The following DTD1 variants were observed in gnomAD, a reference collection of about 807,000 sequenced individuals.
DTD1 encodes the protein D-aminoacyl-tRNA deacylase 1.
In DTD1, 13 loss-of-function variants were observed where a neutral mutation model predicts 25.6. The observed-to-expected ratio is 0.51, with a 90% CI of 0.33 to 0.81. DTD1 has a LOEUF of 0.81. Among genes scored for constraint, DTD1 ranks in the 30% least tolerant of loss-of-function variants. The pLI, the probability that DTD1 is intolerant of heterozygous loss-of-function variation, is 0.02. For missense variants in DTD1, 193 were observed against 266.4 expected (o/e 0.72, Z 1.92); for synonymous variants, 110 against 103.6 (o/e 1.06, Z -0.37).
rs934347361 is a variant in DTD1, at chr20:18,690,425, A to T, written c.478-53675A>T. Among the ~76,000 whole-genome samples the T allele has an allele frequency of 2.6e-5, 4 of 152,214 alleles. No individual in the cohort carries two copies. The East Asian group carries it at 7.7e-4, about 29-fold the overall frequency. On this transcript the variant is annotated intron_variant, in intron 4 of 5. Transcript: ENST00000377452. ...CTAGCCAAATTCTCTAGCAAAGCTT[A>T]TGCCAAGAGGGTATTTCCTAGGTTT...
At chr20:18,759,665 A>G (rs1280910323) in intron 5 of DTD1, among the ~76,000 whole-genome samples, 1 of 152,110 alleles carries the variant, frequency 6.6e-6, no homozygotes, top group Non-Finnish European at 1.5e-5. Flanking sequence ...GCTGCCCTTA[A>G]CATTTTTTCC....
At chr20:18,684,449 G>A (rs2061009029) in intron 4 of DTD1, among the ~76,000 whole-genome samples, 1 of 152,068 alleles carries the variant, frequency 6.6e-6, no homozygotes, top group African/African-American at 2.4e-5. Context: ...ATCATACCCA[G>A]CTAATTTTTA....
intron 4 of DTD1, among the ~76,000 whole-genome samples, chr20:18,682,576 C>T (rs2061002060): frequency 6.6e-6 from 1 of 152,160 alleles, no homozygotes; most frequent in Admixed American, 6.5e-5. Context: ...TGGAACCTTC[C>T]TCCCTTAGCT....
In DTD1 at chr20:18,606,947, C is replaced by T. The variant is rs2060661988; in HGVS notation, c.370+10706C>T. 1.3e-5 allele frequency among the ~76,000 whole-genome samples: 2 copies of T among 151,842 alleles called. 1 individual carries two copies. Among genetic ancestry groups the T allele is most frequent in the Non-Finnish European group, 2.9e-5 (2 of 67,966 alleles). On this transcript the variant is annotated intron_variant, in intron 3 of 5. Coordinates refer to ENST00000377452, the MANE Select transcript of DTD1 (RefSeq NM_080820.6). ...TATAATAAAAAAAAAAAAGCCATTC[C>T]TAGTTTACTGAGAGTTTCTATCATG...
At chr20:18,629,296 CTTTT>C (rs35174616) in intron 4 of DTD1, among the ~76,000 whole-genome samples, 2 of 69,242 alleles carry the variant, frequency 2.9e-5, no homozygotes, top group East Asian at 4.2e-4. Context: ...TGTGCTCGGC[CTTTT>C]TTTTTTTTTT....
intron 4 of DTD1, among the ~76,000 whole-genome samples, chr20:18,672,469 A>G (rs2060954389): frequency 1.3e-5 from 2 of 151,876 alleles, no homozygotes; most frequent in African/African-American, 4.8e-5. Flanking sequence ...GAACTTAGGT[A>G]TTCACCAAAA....
chr20:18,607,257 G>T (rs1303025900), intron 3 of DTD1, among the ~76,000 whole-genome samples: 1 of 152,000 alleles, frequency 6.6e-6, no homozygotes, highest in Non-Finnish European at 1.5e-5. Flanking sequence ...TGCCTTCCGG[G>T]TTCAAACGAT....
chr20:18,637,939 A>G (rs906128718), intron 4 of DTD1, among the ~76,000 whole-genome samples: 1 of 152,148 alleles, frequency 6.6e-6, no homozygotes, highest in Admixed American at 6.5e-5. Flanking sequence ...ACCTGCTGAC[A>G]TCTTCCCCAT....
At chr20:18,597,967 T>C (rs1395396699) in intron 3 of DTD1, among the ~76,000 whole-genome samples, 1 of 144,670 alleles carries the variant, frequency 6.9e-6, no homozygotes, top group African/African-American at 2.5e-5. Context: ...AGCTTGACAG[T>C]TCTTTTCTCC....
intron 4 of DTD1, among the ~76,000 whole-genome samples, chr20:18,684,183 G>A (rs989784257): frequency 2.0e-5 from 3 of 152,174 alleles, no homozygotes; most frequent in Non-Finnish European, 2.9e-5. Context: ...ACCAAAGTAT[G>A]TGGATCTCCC....
At chr20:18,713,197 T>G (rs6136485) in intron 4 of DTD1, among the ~76,000 whole-genome samples, 3 of 152,162 alleles carry the variant, frequency 2.0e-5, no homozygotes, top group Non-Finnish European at 4.4e-5. Context: ...CCTCTGCCAA[T>G]TGTTCTTTCT....
chr20:18,598,202 C>T (rs538268675), intron 3 of DTD1, among the ~76,000 whole-genome samples: 7 of 151,852 alleles, frequency 4.6e-5, no homozygotes, highest in Non-Finnish European at 2.9e-5. Flanking sequence ...TTATTCAACT[C>T]CCACTTATAA....
At chr20:18,676,005 CT>C (rs2060972307) in intron 4 of DTD1, among the ~76,000 whole-genome samples, 1 of 152,096 alleles carries the variant, frequency 6.6e-6, no homozygotes, top group African/African-American at 2.4e-5. Flanking sequence ...TGATGGCAGC[CT>C]ACTATTCTGC....
intron 5 of DTD1, among the ~76,000 whole-genome samples, chr20:18,755,997 T>A (rs1473397151): frequency 6.6e-6 from 1 of 152,152 alleles, no homozygotes; most frequent in South Asian, 2.1e-4. Flanking sequence ...ATTGTGGTTT[T>A]GATTTGCATT....
intron 1 of DTD1, chr20:18,592,564 C>T (rs2060593755): frequency 6.6e-6 from 1 of 151,750 alleles, no homozygotes; most frequent in Non-Finnish European, 1.5e-5. Flanking sequence ...AGTGGAATTG[C>T]ACCTGTGAAT....
intron 4 of DTD1, among the ~76,000 whole-genome samples, chr20:18,722,606 C>T (rs946870948): frequency 6.6e-6 from 1 of 152,184 alleles, no homozygotes; most frequent in African/African-American, 2.4e-5. Context: ...CCACTTGCAT[C>T]AATTTTATGA....
rs534934428 is a variant in DTD1 at position 18,664,384 on chromosome 20, C to A, written c.477+36151C>A. On this transcript the variant is annotated intron_variant, in intron 4 of 5. Coordinates refer to ENST00000377452, the MANE Select transcript of DTD1 (RefSeq NM_080820.6). ...GTGTTCTTCCCACTCATAGAGTCTTCTAGGATGTTCTAATGATGAGGGGAC... is the reference window on the plus strand; with the variant it reads ...GTGTTCTTCCCACTCATAGAGTCTTATAGGATGTTCTAATGATGAGGGGAC... Among the ~76,000 whole-genome samples the A allele has an allele frequency of 5.3e-5, 8 of 152,318 alleles. No individual in the cohort carries two copies. The South Asian group carries it at 1.7e-3, about 32-fold the overall frequency.
chr20:18,764,938 A>G lies in DTD1; in HGVS notation c.*1598A>G, dbSNP rs2061375432. 6.6e-6 allele frequency: 1 copy of G among 152,246 alleles called. No individual in the cohort carries two copies. The highest frequency in any genetic ancestry group is 1.5e-5 in the Non-Finnish European group (1 of 68,044). The allele number at this position is 152,246 out of a possible 1,614,324, so 9.4% of individuals were successfully genotyped here. The stretch of plus-strand genomic sequence containing the variant: ...GATAACTGTCATGTTTCTCCACCAC[A>G]GCATTTTATTGCCACCAATTAATGC... On this transcript the variant is annotated 3_prime_UTR_variant, in exon 6 of 6. Transcript: ENST00000377452.
At chr20:18,738,420 A>G (rs2061265034) in intron 4 of DTD1, among the ~76,000 whole-genome samples, 1 of 152,204 alleles carries the variant, frequency 6.6e-6, no homozygotes, top group Non-Finnish European at 1.5e-5. Context: ...CTTAAACAGT[A>G]AGGAGCCTGG....
Sources: gnomAD v4.1 joint callset for allele counts (sites outside exome capture counted in the v4.1 genomes callset) on GRCh38, gnomAD v4.1.1 for gene constraint, MANE v1.5 for transcripts, NCBI Gene and HGNC (gene_info 2026-07-23, HGNC 2026-07-21) for gene names.